KCTD21: variants seen among roughly 807,000 people sequenced by gnomAD.
KCTD21 encodes potassium channel tetramerization domain containing 21, also known as BTB/POZ domain-containing protein KCTD21.
A neutral mutation model predicts 13.2 loss-of-function variants in KCTD21; 9 were observed. The observed-to-expected ratio is 0.68, with a 90% CI of 0.41 to 1.19. The LOEUF (loss-of-function observed/expected upper bound fraction) is 1.19, where lower values mean the gene tolerates loss of function less well. Ranked by LOEUF, KCTD21 falls within the 50% of genes most tolerant of loss-of-function variation. KCTD21 has a pLI of 0.01. For synonymous variants in KCTD21, 142 were observed against 137.4 expected, an observed-to-expected ratio of 1.03 and a Z score of -0.23; for missense variants, 303 against 336.5, an observed-to-expected ratio of 0.90 and a Z score of 0.78.
At chr11:78,174,909 A>G (rs1315858833) in intron 1 of KCTD21, 1 of 209,606 alleles carries the variant, frequency 4.8e-6, no homozygotes, top group East Asian at 1.1e-4. Context: ...ATTTTGAAAG[A>G]GTTCCCTTAG....
intron 1 of KCTD21, chr11:78,187,205 T>C (rs939746259): frequency 7.1e-6 from 7 of 985,218 alleles, no homozygotes; most frequent in African/African-American, 1.7e-5. Context: ...CTTCCCCACC[T>C]TACCCCACCG....
intron 1 of KCTD21, among the ~76,000 whole-genome samples, chr11:78,180,379 A>G (rs1862579219): frequency 6.6e-6 from 1 of 152,244 alleles, no homozygotes; most frequent in Non-Finnish European, 1.5e-5. Flanking sequence ...AAACACATAA[A>G]GCTGGGTGCA....
intron 1 of KCTD21, chr11:78,187,655 A>C: frequency 1.0e-6 from 1 of 985,354 alleles, no homozygotes; most frequent in Non-Finnish European, 1.2e-6. Context: ...TCCTCCAAAC[A>C]GTAATTTATA....
chr11:78,175,627 T>A (rs1862428820), intron 1 of KCTD21, among the ~76,000 whole-genome samples: 1 of 152,220 alleles, frequency 6.6e-6, no homozygotes, highest in African/African-American at 2.4e-5. Flanking sequence ...TCTCAAAGAT[T>A]TGACAATGAA....
intron 1 of KCTD21, among the ~76,000 whole-genome samples, chr11:78,184,812 C>T (rs950701189): frequency 6.6e-6 from 1 of 151,796 alleles, no homozygotes; most frequent in East Asian, 1.9e-4. Flanking sequence ...TGCAGTGGCG[C>T]GATCATGGTT....
chr11:78,183,905 G>A (rs185234945), intron 1 of KCTD21, among the ~76,000 whole-genome samples: 29 of 152,236 alleles, frequency 1.9e-4, no homozygotes, highest in South Asian at 6.2e-4. Context: ...AAAGTGCTGG[G>A]ATTACAGGCG....
chr11:78,188,306 A>C (rs539931157), intron 1 of KCTD21: 1 of 974,352 alleles, frequency 1.0e-6, no homozygotes, highest in East Asian at 1.2e-4. Flanking sequence ...CACAGTCCCG[A>C]CCCTCATTAT....
At chr11:78,187,859 C>T (rs890368617) in intron 1 of KCTD21, 4 of 985,248 alleles carry the variant, frequency 4.1e-6, no homozygotes, top group African/African-American at 1.7e-5. Context: ...GGGAGAAAAG[C>T]AAGGTCTTTG....
At position 78,186,459 on chromosome 11, in the gene KCTD21, C is replaced by T. The variant is rs188764424; in HGVS notation, c.-30+2114G>A. 4.8e-5 allele frequency among the ~76,000 whole-genome samples: 7 copies of T among 144,410 alleles called. No homozygotes were observed. The South Asian group carries it at 1.1e-3, about 23-fold the overall frequency. The allele number at this position is 144,410 out of a possible 152,430, so 94.7% of individuals were successfully genotyped here. A position where few individuals can be genotyped will look rare whatever the true frequency, so the allele number is the denominator to read the frequency against. On this transcript the variant is annotated intron_variant, in intron 1 of 1. Coordinates refer to ENST00000340067, the MANE Select transcript of KCTD21 (RefSeq NM_001029859.3). The stretch of plus-strand genomic sequence containing the variant: ...GTAGGGGCAGACCATGCATGGTATT[C>T]GGCATTACCTGGGTTTGCATTTGAA...
chr11:78,183,952 T>TA (rs1862702063), intron 1 of KCTD21, among the ~76,000 whole-genome samples: 2 of 152,070 alleles, frequency 1.3e-5, no homozygotes, highest in South Asian at 4.1e-4. Context: ...ATTAATTCTA[T>TA]AAAAAAGAAC....
At chr11:78,184,529 G>C (rs374485058) in intron 1 of KCTD21, among the ~76,000 whole-genome samples, 5 of 152,036 alleles carry the variant, frequency 3.3e-5, no homozygotes, top group Non-Finnish European at 7.4e-5. Context: ...TTGAGATGGG[G>C]TATCACCATG....
chr11:78,182,125 C>T (rs935731149), intron 1 of KCTD21, among the ~76,000 whole-genome samples: 2 of 152,112 alleles, frequency 1.3e-5, no homozygotes, highest in African/African-American at 4.8e-5. Context: ...TTAGATTTGT[C>T]CCCAGCTGTT....
In KCTD21 at chr11:78,188,369, C is replaced by T. The variant is rs1862877807; in HGVS notation, c.-30+204G>A. The T allele has an allele frequency of 5.1e-6, 5 of 985,370 alleles. No homozygotes were observed. The South Asian group carries it at 1.9e-4, about 37-fold the overall frequency. The allele number at this position is 985,370 out of a possible 1,614,324, so 61.0% of individuals were successfully genotyped here. A position where few individuals can be genotyped will look rare whatever the true frequency, so the allele number is the denominator to read the frequency against. On this transcript the variant is annotated intron_variant, in intron 1 of 1. Coordinates refer to ENST00000340067, the MANE Select transcript of KCTD21 (RefSeq NM_001029859.3). ...CCCTTGCTCTCCCAACAGCCCCGCCCCTCTAAGAGCTCTGCCCACTTCGGC... is the reference window on the plus strand; with the variant it reads ...CCCTTGCTCTCCCAACAGCCCCGCCTCTCTAAGAGCTCTGCCCACTTCGGC...
intron 1 of KCTD21, among the ~76,000 whole-genome samples, chr11:78,185,978 A>G (rs1424112689): frequency 6.6e-6 from 1 of 152,102 alleles, no homozygotes; most frequent in Non-Finnish European, 1.5e-5. Context: ...ATGAACCCAG[A>G]ATCTCTGTAA....
intron 1 of KCTD21, chr11:78,187,924 C>T (rs1862842068): frequency 1.0e-6 from 1 of 985,208 alleles, no homozygotes; most frequent in African/African-American, 1.7e-5. Flanking sequence ...CTGAGCCTCA[C>T]ATTCCTCACC....
At chr11:78,176,708 T>C (rs1862457342) in intron 1 of KCTD21, among the ~76,000 whole-genome samples, 1 of 152,162 alleles carries the variant, frequency 6.6e-6, no homozygotes, top group Non-Finnish European at 1.5e-5. Flanking sequence ...AAAAACTATC[T>C]GGCTGGCAGA....
chr11:78,180,508 AC>A (rs1862585127), intron 1 of KCTD21, among the ~76,000 whole-genome samples: 1 of 152,266 alleles, frequency 6.6e-6, no homozygotes, highest in South Asian at 2.1e-4. Flanking sequence ...TTAAACAAAA[AC>A]AAAAACAAAA....
At chr11:78,183,627 G>A (rs1862691242) in intron 1 of KCTD21, among the ~76,000 whole-genome samples, 1 of 151,166 alleles carries the variant, frequency 6.6e-6, no homozygotes, top group South Asian at 2.1e-4. Context: ...ATAGAGACAG[G>A]AAAAATTAAT....
At chr11:78,183,228 A>C (rs892433060) in intron 1 of KCTD21, among the ~76,000 whole-genome samples, 2 of 152,182 alleles carry the variant, frequency 1.3e-5, no homozygotes, top group African/African-American at 4.8e-5. Context: ...TGAATTAAAA[A>C]ACAACAACAA....
Sources: gnomAD v4.1 joint callset for allele counts (sites outside exome capture counted in the v4.1 genomes callset) on GRCh38, gnomAD v4.1.1 for gene constraint, MANE v1.5 for transcripts, NCBI Gene and HGNC (gene_info 2026-07-23, HGNC 2026-07-21) for gene names.